Variants in CYTH3 observed in about 807,000 individuals in gnomAD.
The protein encoded by CYTH3 is cytohesin-3.
A neutral mutation model predicts 55.1 loss-of-function variants in CYTH3; 23 were observed. The observed-to-expected ratio is 0.42, with a 90% confidence interval of 0.30 to 0.59. The LOEUF is 0.59. CYTH3 is among the 20% of genes least tolerant of loss of function. The probability of loss-of-function intolerance (pLI) is 0.20; values close to 1 mark genes in which losing one functional copy is unlikely to be tolerated. For missense variants in CYTH3, 413 were observed against 524.8 expected (o/e 0.79, Z 2.08); for synonymous variants, 249 against 194.9 (o/e 1.28, Z -2.31).
chr7:6,176,540 C>A (rs1435439420), intron 5 of CYTH3, among the ~76,000 whole-genome samples: 1 of 152,142 alleles, frequency 6.6e-6, no homozygotes, highest in Non-Finnish European at 1.5e-5. Flanking sequence ...GGATTACAGG[C>A]ATGAGGCACC....
intron 1 of CYTH3, among the ~76,000 whole-genome samples, chr7:6,216,144 A>G (rs1583169806): frequency 6.6e-6 from 1 of 152,216 alleles, no homozygotes; most frequent in African/African-American, 2.4e-5. Context: ...TAAGTATAAA[A>G]AACTTTCCTT....
intron 4 of CYTH3, among the ~76,000 whole-genome samples, chr7:6,183,168 G>C (rs1033215472): frequency 2.0e-5 from 3 of 152,334 alleles, no homozygotes; most frequent in East Asian, 1.9e-4. Flanking sequence ...ACAAGGTCAG[G>C]AGAGCGTGAC....
intron 1 of CYTH3, among the ~76,000 whole-genome samples, chr7:6,198,218 C>T (rs1330191828): frequency 6.6e-6 from 1 of 151,930 alleles, no homozygotes; most frequent in Non-Finnish European, 1.5e-5. Context: ...ATCCTTGACA[C>T]ATGAAAAGGA....
intron 6 of CYTH3, among the ~76,000 whole-genome samples, chr7:6,173,295 G>C (rs1278073822): frequency 6.6e-6 from 1 of 152,154 alleles, no homozygotes; most frequent in African/African-American, 2.4e-5. Flanking sequence ...TTGGTGCTTT[G>C]GGTCAAGTGT....
chr7:6,215,259 T>C (rs543049338), intron 1 of CYTH3, among the ~76,000 whole-genome samples: 7 of 152,304 alleles, frequency 4.6e-5, no homozygotes, highest in South Asian at 2.1e-4. Context: ...TCAGGGGCAC[T>C]TGATAGTCCC....
intron 1 of CYTH3, among the ~76,000 whole-genome samples, chr7:6,267,618 G>C (rs972507620): frequency 6.6e-6 from 1 of 152,194 alleles, no homozygotes. Context: ...CTGCCTCCAG[G>C]GTTCAAGCAA....
At chr7:6,218,720 C>A (rs1784479601) in intron 1 of CYTH3, among the ~76,000 whole-genome samples, 1 of 151,982 alleles carries the variant, frequency 6.6e-6, no homozygotes, top group South Asian at 2.1e-4. Flanking sequence ...AAAAACTGTG[C>A]CACTTGCCAG....
chr7:6,209,625 C>A (rs1014874825), intron 1 of CYTH3, among the ~76,000 whole-genome samples: 8 of 152,190 alleles, frequency 5.3e-5, no homozygotes, highest in African/African-American at 1.9e-4. Context: ...ATTTACCCAA[C>A]TGAGTTGGAA....
In CYTH3 at chr7:6,170,567, T is replaced by C. The variant is rs1160139638; in HGVS notation, c.791A>G (p.Asn264Ser). The change falls in exon 9 of 13, where the codon AAC becomes AGC. Residue 264 changes from asparagine (N) to serine (S), a missense_variant. Physicochemically the swap from Asn to Ser is conservative, Grantham distance 46. Transcript: ENST00000350796. This position sits in a 1 kb window ranked among gnomAD's most constrained non-coding sequence, Gnocchi z 7.8. ...DGNDLTHTFFNPDREGWLLKL... is the reference protein window; with the variant it reads ...DGNDLTHTFFSPDREGWLLKL... Reference sequence around the variant, plus strand: ...CAGGAGCCAGCCCTCGCGGTCGGGGTTGAAGAAGGTGTGGGTCAGGTCGTT... The same window carrying C: ...CAGGAGCCAGCCCTCGCGGTCGGGGCTGAAGAAGGTGTGGGTCAGGTCGTT... 1 of 1,613,722 alleles carries C rather than the reference T, an allele frequency of 6.2e-7. No individual in the cohort carries two copies. The highest frequency in any genetic ancestry group is 8.5e-7 in the Non-Finnish European group (1 of 1,179,838).
intron 9 of CYTH3, among the ~76,000 whole-genome samples, chr7:6,168,233 T>C (rs1783067825): frequency 6.6e-6 from 1 of 151,420 alleles, no homozygotes; most frequent in Non-Finnish European, 1.5e-5. Context: ...TTTTTTTTTT[T>C]TTTTTTCTGG....
intron 4 of CYTH3, among the ~76,000 whole-genome samples, chr7:6,185,418 G>A (rs763697218): frequency 6.6e-6 from 1 of 151,076 alleles, no homozygotes; most frequent in African/African-American, 2.5e-5. Context: ...AAACTGGGCC[G>A]GGTGCACTGG....
rs202208935 is a variant in CYTH3 at position 6,177,891 on chromosome 7, G to A, written c.300C>T (p.Asp100=). 9.9e-6 allele frequency: 16 copies of A among 1,614,178 alleles called. No individual in the cohort carries two copies. Among genetic ancestry groups the A allele is most frequent in the African/African-American group, 2.7e-5 (2 of 75,048 alleles). Residue 100 remains aspartate, a synonymous_variant, in exon 5 of 13, where the codon GAC becomes GAT. Coordinates refer to ENST00000350796, the MANE Select transcript of CYTH3 (RefSeq NM_004227.4). ...CTCCTTTATAAAGGAACTGGGCGAC[G>A]TCTTCTGGGGAACTCTGTAGCAGGT... ...ENDLLQSSPE[D]VAQFLYKGEG... is the part of the protein sequence containing the mutation.
chr7:6,165,656 A>G (rs1205788094), intron 10 of CYTH3, 40 bp from the exon 11 acceptor site: 1 of 1,612,864 alleles, frequency 6.2e-7, no homozygotes, highest in Admixed American at 1.7e-5. Context: ...ACTGTGGGTC[A>G]CCAGCCTGAG....
rs530493249 is a variant in CYTH3 at position 6,164,401 on chromosome 7, G to C, written c.*543C>G. On this transcript the variant is annotated 3_prime_UTR_variant, in exon 13 of 13. Coordinates refer to ENST00000350796, the MANE Select transcript of CYTH3 (RefSeq NM_004227.4). ...TGTTATAATTTCAGAATATAAAAAG[G>C]CATATAAAAGCTATAATCCTATATA... is the stretch of plus-strand genomic sequence containing the variant. 1.3e-5 allele frequency: 2 copies of C among 153,104 alleles called. No homozygotes were observed. Among genetic ancestry groups the C allele is most frequent in the Non-Finnish European group, 2.9e-5 (2 of 68,396 alleles). The allele number at this position is 153,104 out of a possible 1,614,324, so 9.5% of individuals were successfully genotyped here.
intron 1 of CYTH3, among the ~76,000 whole-genome samples, chr7:6,265,824 G>A (rs1183931808): frequency 6.6e-6 from 1 of 152,104 alleles, no homozygotes; most frequent in African/African-American, 2.4e-5. Flanking sequence ...AGAACCATGA[G>A]AAGGCTTAAG....
At chr7:6,190,381 C>A in intron 2 of CYTH3, 68 bp downstream of exon 2, 40 of 985,506 alleles carry the variant, frequency 4.1e-5, no homozygotes, top group East Asian at 1.1e-4. Context: ...TGAGGCTACT[C>A]TTTTACTATT....
rs187838338 is a variant in CYTH3 at position 6,232,729 on chromosome 7, C to G, written c.34+39745G>C. ...GCTGCGGCTGTGGTTCTGACTGTCC[C>G]GCTTCCCTCGTCTACGGTCAGTTTT... On this transcript the variant is annotated intron_variant, in intron 1 of 12. Coordinates refer to ENST00000350796, the MANE Select transcript of CYTH3 (RefSeq NM_004227.4). 1.8e-3 allele frequency among the ~76,000 whole-genome samples: 271 copies of G among 152,302 alleles called. 1 individual carries two copies. The highest frequency in any genetic ancestry group is 5.9e-3 in the African/African-American group (247 of 41,554).
At chr7:6,241,987 G>T (rs990828130) in intron 1 of CYTH3, among the ~76,000 whole-genome samples, 16 of 152,150 alleles carry the variant, frequency 1.1e-4, no homozygotes, top group African/African-American at 3.9e-4. Context: ...TAGGACAGGG[G>T]ACAGAATAGT....
intron 1 of CYTH3, among the ~76,000 whole-genome samples, chr7:6,191,508 T>A (rs1034526845): frequency 6.6e-6 from 1 of 151,886 alleles, no homozygotes; most frequent in African/African-American, 2.4e-5. Flanking sequence ...GGATTAAAAG[T>A]ATAAATGTGA....
Sources: gnomAD v4.1 joint callset for allele counts (sites outside exome capture counted in the v4.1 genomes callset) on GRCh38, gnomAD v4.1.1 for gene constraint, Gnocchi (gnomAD v3.1) non-coding constraint, MANE v1.5 for transcripts, NCBI Gene and HGNC (gene_info 2026-07-23, HGNC 2026-07-21) for gene names.